TESK2: variants seen among roughly 807,000 people sequenced by gnomAD.
The protein encoded by TESK2 is dual specificity testis-specific protein kinase 2.
Under a neutral mutation model 57.1 loss-of-function variants are expected in TESK2, and 39 were observed. The ratio of observed to expected loss-of-function variants is 0.68; its 90% confidence interval spans 0.53 to 0.89. The LOEUF (loss-of-function observed/expected upper bound fraction) is 0.89. Ranked by LOEUF, TESK2 falls within the 40% of genes least tolerant of loss-of-function variation. The probability of loss-of-function intolerance (pLI) is 0.00; values close to 1 mark genes in which losing one functional copy is unlikely to be tolerated. For missense variants in TESK2, 646 were observed against 732.1 expected (o/e 0.88, Z 1.36); for synonymous variants, 249 against 267.9 (o/e 0.93, Z 0.69).
intron 2 of TESK2, among the ~76,000 whole-genome samples, chr1:45,423,073 G>A (rs924473012): frequency 6.6e-6 from 1 of 151,970 alleles, no homozygotes; most frequent in Non-Finnish European, 1.5e-5. Flanking sequence ...AAAAAAAAAT[G>A]AGGGAAAATT....
intron 2 of TESK2, among the ~76,000 whole-genome samples, chr1:45,445,642 A>AG (rs1338108562): frequency 4.6e-5 from 7 of 151,396 alleles, no homozygotes; most frequent in Non-Finnish European, 7.4e-5. Flanking sequence ...AAAAAAAAAA[A>AG]AAAATCAGTG....
chr1:45,396,575 G>A (rs1296605858), intron 3 of TESK2, among the ~76,000 whole-genome samples: 1 of 151,094 alleles, frequency 6.6e-6, no homozygotes, highest in Non-Finnish European at 1.5e-5. Flanking sequence ...TGCAACCTCT[G>A]CCTCCCAGGT....
Position 45,406,040 on chromosome 1 carries a change from T to C in TESK2, c.344+15685A>G, listed in dbSNP as rs543405695. The stretch of plus-strand genomic sequence containing the variant: ...AAGTCCAAGACTAGCCTGGCCAACA[T>C]AGTGGGTCAGTCTGTCTCTATAAAA... On this transcript the variant is annotated intron_variant, in intron 3 of 10. Transcript: ENST00000372086. 3.3e-5 allele frequency among the ~76,000 whole-genome samples: 5 copies of C among 152,090 alleles called. No individual in the cohort carries two copies. In the South Asian group the frequency reaches 8.3e-4, roughly 25 times the overall value.
intron 4 of TESK2, among the ~76,000 whole-genome samples, chr1:45,367,140 T>TAAATA (rs148841004): frequency 4.4e-4 from 67 of 151,672 alleles, no homozygotes; most frequent in Admixed American, 9.2e-4. Context: ...TCTCAAAAAA[T>TAAATA]AAATAAAATA....
intron 4 of TESK2, among the ~76,000 whole-genome samples, chr1:45,357,571 A>AG (rs1399687983): frequency 6.6e-5 from 10 of 151,860 alleles, no homozygotes; most frequent in African/African-American, 2.4e-4. Flanking sequence ...AAAAAAAAAA[A>AG]AAAGAAAAAA....
At chr1:45,428,076 A>G (rs1650777703) in intron 2 of TESK2, among the ~76,000 whole-genome samples, 1 of 152,212 alleles carries the variant, frequency 6.6e-6, no homozygotes, top group South Asian at 2.1e-4. Flanking sequence ...TGCCCCAACC[A>G]TCATACACAG....
At chr1:45,477,092 G>A (rs1051086632) in intron 1 of TESK2, among the ~76,000 whole-genome samples, 6 of 146,136 alleles carry the variant, frequency 4.1e-5, no homozygotes, top group Admixed American at 3.4e-4. Context: ...AGCCAGGCGC[G>A]GTGGCACATG....
At chr1:45,354,815 A>AATATATATATATATAT (rs199613712) in intron 5 of TESK2, among the ~76,000 whole-genome samples, 7 of 40,688 alleles carry the variant, frequency 1.7e-4, no homozygotes, top group African/African-American at 8.6e-4. Context: ...AAAAAAAAAA[A>AATATATATATATATAT]ATATATATAT....
In TESK2 at chr1:45,345,879, C is replaced by G. The variant is rs780678665; in HGVS notation, c.995G>C (p.Arg332Thr). ...GGCTCCCTGGTCTAATCTCTTACCC[C>G]TGGCTGTGGGCTGCAGCTTCCTATC... Reference protein sequence around the residue: ...ERDRKLQPTARGLLEKAPGVK... With the variant: ...ERDRKLQPTATGLLEKAPGVK... Residue 332 changes from arginine (R) to threonine (T), a missense_variant and splice_region_variant, in exon 10 of 11, where the codon AGG becomes ACG. By Grantham distance (71) the Arg-to-Thr change is moderately conservative. Coordinates refer to ENST00000372086, the MANE Select transcript of TESK2 (RefSeq NM_007170.3). The G allele has an allele frequency of 4.3e-5, 69 of 1,613,390 alleles. No homozygotes were observed. Among genetic ancestry groups the G allele is most frequent in the Non-Finnish European group, 5.5e-5 (65 of 1,179,570 alleles).
At chr1:45,384,131 G>A in intron 4 of TESK2, among the ~76,000 whole-genome samples, 1 of 152,088 alleles carries the variant, frequency 6.6e-6, no homozygotes, top group East Asian at 1.9e-4. Context: ...CAACATCCTT[G>A]TGAGGTCAAC....
chr1:45,408,632 T>C (rs1649933371), intron 3 of TESK2, among the ~76,000 whole-genome samples: 1 of 152,238 alleles, frequency 6.6e-6, no homozygotes. Flanking sequence ...AAGGTTGTCA[T>C]TTTTAAAAAA....
At chr1:45,439,951 C>T (rs1005688211) in intron 2 of TESK2, among the ~76,000 whole-genome samples, 3 of 151,168 alleles carry the variant, frequency 2.0e-5, no homozygotes, top group African/African-American at 4.8e-5. Flanking sequence ...AAGCAAGCGC[C>T]CCCCCACTGC....
At chr1:45,479,569 C>T (rs1292766292) in intron 1 of TESK2, among the ~76,000 whole-genome samples, 1 of 151,974 alleles carries the variant, frequency 6.6e-6, no homozygotes, top group Non-Finnish European at 1.5e-5. Context: ...GCAGCTGTTA[C>T]AGGCATGCGC....
chr1:45,430,324 CA>C (rs561187867), intron 2 of TESK2, among the ~76,000 whole-genome samples: 3 of 150,606 alleles, frequency 2.0e-5, no homozygotes, highest in East Asian at 1.9e-4. Flanking sequence ...CACATCTCTA[CA>C]AAAAAAAATA....
intron 4 of TESK2, among the ~76,000 whole-genome samples, chr1:45,375,259 T>C (rs2149271273): frequency 6.6e-6 from 1 of 152,258 alleles, no homozygotes; most frequent in East Asian, 1.9e-4. Flanking sequence ...GTGTTTCCTC[T>C]CTGACCCCAT....
chr1:45,427,910 T>C (rs376389767), intron 2 of TESK2, among the ~76,000 whole-genome samples: 2 of 152,226 alleles, frequency 1.3e-5, no homozygotes, highest in African/African-American at 2.4e-5. Context: ...ATAATTGGAA[T>C]GTTTGCAACA....
At chr1:45,482,290 G>A (rs368128918) in intron 1 of TESK2, among the ~76,000 whole-genome samples, 1 of 152,140 alleles carries the variant, frequency 6.6e-6, no homozygotes, top group Non-Finnish European at 1.5e-5. Flanking sequence ...ACTTTGGGAG[G>A]CTGAAGGCAG....
intron 1 of TESK2, among the ~76,000 whole-genome samples, chr1:45,463,434 T>G (rs1424134073): frequency 6.6e-6 from 1 of 152,236 alleles, no homozygotes; most frequent in African/African-American, 2.4e-5. Context: ...TGCATATGGA[T>G]ATCCTGTTTT....
intron 4 of TESK2, among the ~76,000 whole-genome samples, chr1:45,378,649 C>T (rs1315889941): frequency 6.6e-6 from 1 of 152,190 alleles, no homozygotes; most frequent in Non-Finnish European, 1.5e-5. Flanking sequence ...GCATACCTGA[C>T]CTACAAAATC....
Sources: allele counts gnomAD v4.1 joint callset (sites outside exome capture counted in the v4.1 genomes callset), GRCh38; gene constraint gnomAD v4.1.1; transcripts MANE v1.5; gene names NCBI Gene and HGNC (gene_info 2026-07-23, HGNC 2026-07-21).